The following ZRANB3 variants were observed in gnomAD, a reference collection of about 807,000 sequenced individuals.
ZRANB3 encodes zinc finger RANBP2-type containing 3, also known as DNA annealing helicase and endonuclease ZRANB3.
Under a neutral mutation model 133.8 loss-of-function variants are expected in ZRANB3, and 125 were observed. The observed-to-expected ratio is 0.93, with a 90% CI of 0.81 to 1.08. The LOEUF (loss-of-function observed/expected upper bound fraction) is 1.08. Ranked by LOEUF, ZRANB3 falls within the 50% of genes least tolerant of loss-of-function variation. ZRANB3 has a pLI of 0.00. For synonymous variants in ZRANB3, 387 were observed against 432.7 expected (o/e 0.89, Z 1.31); for missense variants, 1,229 against 1,275.5 (o/e 0.96, Z 0.56).
chr2:135,485,885 A>AT (rs1692095472), intron 2 of ZRANB3, among the ~76,000 whole-genome samples: 1 of 152,228 alleles, frequency 6.6e-6, no homozygotes, highest in African/African-American at 2.4e-5. Context: ...TTTTCTTCTT[A>AT]TATCTCCTCA....
At position 135,230,556 on chromosome 2, in the gene ZRANB3, C is replaced by G. The variant is rs1353209821; in HGVS notation, c.1911G>C (p.Glu637Asp). 1.9e-6 allele frequency: 3 copies of G among 1,568,234 alleles called. No individual in the cohort carries two copies. Among genetic ancestry groups the G allele is most frequent in the Non-Finnish European group, 2.6e-6 (3 of 1,162,138 alleles). ...TCTCACACATTTCACAATAAGGTAA[C>G]TCTGAATTATTGATATAGGTGCAGA... Reference protein sequence around the residue: ...CSLCTYINNSELPYCEMCETP... With the variant: ...CSLCTYINNSDLPYCEMCETP... Residue 637 changes from glutamate to aspartate, a missense_variant, in exon 13 of 21, where the codon GAG (glutamate) becomes GAC (aspartate). Glu to Asp is a conservative substitution (Grantham distance 45). Transcript: ENST00000264159.
chr2:135,355,801 T>C (rs1685407026), intron 3 of ZRANB3, among the ~76,000 whole-genome samples: 1 of 152,180 alleles, frequency 6.6e-6, no homozygotes, highest in Admixed American at 6.5e-5. Context: ...GTGCTATGGT[T>C]AGGGGTCTTT....
intron 8 of ZRANB3, among the ~76,000 whole-genome samples, chr2:135,290,157 T>C (rs1487502766): frequency 6.6e-6 from 1 of 152,192 alleles, no homozygotes; most frequent in Non-Finnish European, 1.5e-5. Flanking sequence ...TTTGTTGACT[T>C]TCTGTCTTTA....
chr2:135,337,852 C>T (rs2104855671), intron 6 of ZRANB3, among the ~76,000 whole-genome samples: 2 of 152,206 alleles, frequency 1.3e-5, no homozygotes, highest in South Asian at 2.1e-4. Context: ...GTGTCAGTTA[C>T]GTAAGTACTC....
intron 19 of ZRANB3, among the ~76,000 whole-genome samples, chr2:135,206,747 AG>A (rs1693874039): frequency 2.4e-5 from 3 of 122,810 alleles, no homozygotes; most frequent in South Asian, 3.1e-4. Flanking sequence ...GGGAAGAGGG[AG>A]GGGGGAACAG....
At chr2:135,297,362 A>G (rs2104803968) in intron 8 of ZRANB3, among the ~76,000 whole-genome samples, 1 of 152,318 alleles carries the variant, frequency 6.6e-6, no homozygotes, top group Non-Finnish European at 1.5e-5. Flanking sequence ...CAGTGGGCAT[A>G]TGACCCTCCG....
chr2:135,457,899 G>C (rs912119486), intron 2 of ZRANB3, among the ~76,000 whole-genome samples: 1 of 152,070 alleles, frequency 6.6e-6, no homozygotes. Flanking sequence ...TTAAAGCACA[G>C]AAGTTTCTTA....
intron 2 of ZRANB3, among the ~76,000 whole-genome samples, chr2:135,481,834 G>A (rs1169725258): frequency 1.3e-5 from 2 of 151,010 alleles, no homozygotes; most frequent in Non-Finnish European, 2.9e-5. Context: ...TTCTACATAT[G>A]GCTAGCTAGT....
At chr2:135,496,413 C>T (rs1223726833) in intron 2 of ZRANB3, among the ~76,000 whole-genome samples, 2 of 80,024 alleles carry the variant, frequency 2.5e-5, no homozygotes, top group East Asian at 7.3e-4. Flanking sequence ...AAAAAAAAAA[C>T]GAAATCCGCA....
At chr2:135,271,426 T>C (rs754901007) in intron 10 of ZRANB3, 2 of 478,662 alleles carry the variant, frequency 4.2e-6, no homozygotes, top group South Asian at 1.6e-5. Context: ...AAGTGAAGGG[T>C]TGGATATAAG....
chr2:135,403,191 T>A (rs1687823172), intron 2 of ZRANB3, among the ~76,000 whole-genome samples: 1 of 152,144 alleles, frequency 6.6e-6, no homozygotes, highest in Non-Finnish European at 1.5e-5. Flanking sequence ...AGTCAGGGAA[T>A]TCCCTTTTCT....
chr2:135,236,224 C>T (rs1695276416), intron 12 of ZRANB3, among the ~76,000 whole-genome samples: 3 of 152,094 alleles, frequency 2.0e-5, no homozygotes, highest in Non-Finnish European at 4.4e-5. Context: ...AGGAATCCAA[C>T]TTAGAAAGGA....
chr2:135,355,638 T>C (rs892716444), intron 3 of ZRANB3, among the ~76,000 whole-genome samples: 1 of 152,156 alleles, frequency 6.6e-6, no homozygotes, highest in Non-Finnish European at 1.5e-5. Flanking sequence ...ATTGCAGGCA[T>C]GAGCCACCGC....
At chr2:135,253,679 T>C (rs1308417103) in intron 12 of ZRANB3, among the ~76,000 whole-genome samples, 2 of 152,168 alleles carry the variant, frequency 1.3e-5, no homozygotes, top group Non-Finnish European at 2.9e-5. Flanking sequence ...TATCTAAACA[T>C]AGAAAGGGTA....
rs199537745 is a variant in ZRANB3 at position 135,510,289 on chromosome 2, TTTC to T, written c.-7-5796_-7-5794del. Among the ~76,000 whole-genome samples the T allele has an allele frequency of 3.2e-3, 485 of 152,192 alleles. 3 individuals carry two copies. Among genetic ancestry groups the T allele is most frequent in the African/African-American group, 0.01 (426 of 41,558 alleles). On this transcript the variant is annotated intron_variant, in intron 1 of 20. Coordinates refer to ENST00000264159, the MANE Select transcript of ZRANB3 (RefSeq NM_032143.4). ...AATAAGCAAGGAAATTCAGTCTTTCTTTCTTCTTCTTCTTGAAAAATCCGTTAC... is the reference window on the plus strand; with the variant it reads ...AATAAGCAAGGAAATTCAGTCTTTCTTTCTTCTTCTTGAAAAATCCGTTAC...
At chr2:135,218,441 T>C (rs1694400735) in intron 16 of ZRANB3, among the ~76,000 whole-genome samples, 1 of 152,028 alleles carries the variant, frequency 6.6e-6, no homozygotes, top group Non-Finnish European at 1.5e-5. Flanking sequence ...TCCAAGTAAA[T>C]AGCTTACTGC....
intron 2 of ZRANB3, among the ~76,000 whole-genome samples, chr2:135,397,581 CTCT>C (rs1227935971): frequency 2.0e-5 from 3 of 152,226 alleles, no homozygotes; most frequent in Non-Finnish European, 4.4e-5. Flanking sequence ...CATGTAGCTC[CTCT>C]TCTTCTTAAA....
intron 2 of ZRANB3, among the ~76,000 whole-genome samples, chr2:135,479,919 T>C (rs1383673104): frequency 6.6e-6 from 1 of 151,998 alleles, no homozygotes; most frequent in East Asian, 1.9e-4. Flanking sequence ...TTTTTATACC[T>C]ATACTTACGA....
chr2:135,208,504 G>T (rs980473229), intron 18 of ZRANB3, among the ~76,000 whole-genome samples: 1 of 152,238 alleles, frequency 6.6e-6, no homozygotes, highest in African/African-American at 2.4e-5. Context: ...AACAACAGCT[G>T]CTTTGTCTGT....
Sources: gnomAD v4.1 joint callset for allele counts (sites outside exome capture counted in the v4.1 genomes callset) on GRCh38, gnomAD v4.1.1 for gene constraint, MANE v1.5 for transcripts, NCBI Gene and HGNC (gene_info 2026-07-23, HGNC 2026-07-21) for gene names.